PLPPR5: variants seen among roughly 807,000 people sequenced by gnomAD.
The protein encoded by PLPPR5 is phospholipid phosphatase related 5.
In PLPPR5, 16 loss-of-function variants were observed where a neutral mutation model predicts 33.9. The ratio of observed to expected loss-of-function variants is 0.47; its 90% CI spans 0.32 to 0.72. The LOEUF (loss-of-function observed/expected upper bound fraction) is 0.72, where lower values mean the gene tolerates loss of function less well. Ranked by LOEUF, PLPPR5 falls within the 30% of genes least tolerant of loss-of-function variation. The pLI is 0.03. For missense variants in PLPPR5, 301 were observed against 406.7 expected (o/e 0.74, Z 2.23); for synonymous variants, 163 against 150.3 (o/e 1.08, Z -0.62).
In PLPPR5 at chr1:98,922,065, C is replaced by T. The variant is rs1201213838; in HGVS notation, c.622-7G>A. ...TTGTGTTGGTGATGTACATCTGAAA[C>T]ATTCAATAAAAAAAATGACTTTTCA... On this transcript the variant is annotated splice_region_variant and splice_polypyrimidine_tract_variant and intron_variant, in intron 3 of 5. Transcript: ENST00000263177. The T allele has an allele frequency of 5.2e-6, 8 of 1,535,688 alleles. No homozygotes were observed. Among genetic ancestry groups the T allele is most frequent in the Non-Finnish European group, 7.0e-6 (8 of 1,143,336 alleles).
intron 1 of PLPPR5, among the ~76,000 whole-genome samples, chr1:98,965,154 TGTG>T (rs968792899): frequency 5.3e-5 from 8 of 152,002 alleles, no homozygotes; most frequent in Non-Finnish European, 8.8e-5. Context: ...TCTGAGCAAT[TGTG>T]GTGTTTCTTA....
intron 1 of PLPPR5, among the ~76,000 whole-genome samples, chr1:98,985,698 T>C (rs1012432392): frequency 6.6e-6 from 1 of 152,060 alleles, no homozygotes; most frequent in Non-Finnish European, 1.5e-5. Flanking sequence ...AATATGTTTA[T>C]ATACACAAAT....
chr1:98,909,231 T>G lies in PLPPR5; in HGVS notation c.933+5555A>C, dbSNP rs1291950184. On this transcript the variant is annotated intron_variant, in intron 5 of 5. Transcript: ENST00000263177. The stretch of plus-strand genomic sequence containing the variant: ...CTGTTTCCCCCTCCCCTCCCTTCCC[T>G]TCCCTTTCCCTCCCTTCCCCTCCCT... 7.4e-5 allele frequency among the ~76,000 whole-genome samples: 5 copies of G among 67,342 alleles called. No individual in the cohort carries two copies. In the South Asian group the frequency reaches 2.0e-3, roughly 27 times the overall value. The allele number at this position is 67,342 out of a possible 152,430, so 44.2% of individuals were successfully genotyped here.
At chr1:98,893,203 A>G in intron 5 of PLPPR5, 99 bp from the exon 6 acceptor site, 3 of 1,144,264 alleles carry the variant, frequency 2.6e-6, no homozygotes, top group Non-Finnish European at 3.7e-6. Flanking sequence ...TTATATGCTG[A>G]ATGTTGAAGT....
At chr1:98,957,599 C>T (rs1283242255) in intron 1 of PLPPR5, among the ~76,000 whole-genome samples, 1 of 151,958 alleles carries the variant, frequency 6.6e-6, no homozygotes, top group Non-Finnish European at 1.5e-5. Flanking sequence ...AATTTAAAAT[C>T]ATATTAATAC....
At chr1:98,944,523 C>A (rs1330492203) in intron 3 of PLPPR5, among the ~76,000 whole-genome samples, 2 of 152,220 alleles carry the variant, frequency 1.3e-5, no homozygotes, top group African/African-American at 2.4e-5. Context: ...CATGTATGAA[C>A]CAGAAAGCAG....
intron 5 of PLPPR5, among the ~76,000 whole-genome samples, chr1:98,897,337 C>T (rs541364294): frequency 5.3e-5 from 8 of 152,186 alleles, no homozygotes; most frequent in African/African-American, 1.2e-4. Context: ...TTTAAAGGAC[C>T]TTTCCTGTGA....
At chr1:98,924,689 G>A (rs1321709943) in intron 3 of PLPPR5, among the ~76,000 whole-genome samples, 1 of 152,134 alleles carries the variant, frequency 6.6e-6, no homozygotes, top group Non-Finnish European at 1.5e-5. Context: ...AGTAAAATGT[G>A]GGCTTGGGCT....
At chr1:98,995,491 T>C (rs930306284) in intron 1 of PLPPR5, among the ~76,000 whole-genome samples, 3 of 152,158 alleles carry the variant, frequency 2.0e-5, no homozygotes, top group East Asian at 1.9e-4. Flanking sequence ...TTTCAAGCTA[T>C]GTGGGTTAAC....
At chr1:98,941,556 T>C (rs200805722) in intron 3 of PLPPR5, among the ~76,000 whole-genome samples, 60 of 7,330 alleles carry the variant, frequency 8.2e-3, no homozygotes, top group Non-Finnish European at 0.013. Context: ...GGTTGTGGGA[T>C]TTTTTTTTTT....
chr1:98,922,968 G>C (rs1365696093), intron 3 of PLPPR5, among the ~76,000 whole-genome samples: 1 of 151,170 alleles, frequency 6.6e-6, no homozygotes, highest in East Asian at 2.0e-4. Context: ...CTGGGTGACA[G>C]AGCGAGACTC....
chr1:98,994,108 C>T (rs1341407843), intron 1 of PLPPR5, among the ~76,000 whole-genome samples: 1 of 151,912 alleles, frequency 6.6e-6, no homozygotes. Flanking sequence ...GTCACTTAAC[C>T]TCTTTAAGCC....
intron 2 of PLPPR5, among the ~76,000 whole-genome samples, chr1:98,955,546 C>T (rs962007864): frequency 1.3e-5 from 2 of 151,972 alleles, no homozygotes; most frequent in African/African-American, 4.8e-5. Flanking sequence ...TAAATGAGGG[C>T]TTTGGAGATA....
chr1:98,981,957 T>G (rs920622469), intron 1 of PLPPR5, among the ~76,000 whole-genome samples: 1 of 152,118 alleles, frequency 6.6e-6, no homozygotes, highest in Non-Finnish European at 1.5e-5. Flanking sequence ...CTTCCTTTAC[T>G]CATTAATGTC....
At chr1:98,910,784 A>G (rs1649115193) in intron 5 of PLPPR5, among the ~76,000 whole-genome samples, 1 of 152,072 alleles carries the variant, frequency 6.6e-6, no homozygotes, top group Non-Finnish European at 1.5e-5. Flanking sequence ...ACTTCACCTA[A>G]TAGGTACATC....
intron 1 of PLPPR5, among the ~76,000 whole-genome samples, chr1:98,962,742 TC>T (rs768055398): frequency 1.1e-4 from 17 of 152,228 alleles, no homozygotes; most frequent in Non-Finnish European, 2.5e-4. Flanking sequence ...ATTCCTGGAC[TC>T]AAGCCATCCT....
chr1:98,920,619 G>A (rs968216447), intron 4 of PLPPR5, among the ~76,000 whole-genome samples: 1 of 36,770 alleles, frequency 2.7e-5, no homozygotes, highest in African/African-American at 6.6e-5. Flanking sequence ...AGCAGCACAG[G>A]ATGAGGTCAT....
At chr1:98,993,332 A>G (rs1652521992) in intron 1 of PLPPR5, among the ~76,000 whole-genome samples, 1 of 152,104 alleles carries the variant, frequency 6.6e-6, no homozygotes, top group Non-Finnish European at 1.5e-5. Flanking sequence ...AGAGCCTGAT[A>G]GTGTGGCTTG....
At chr1:98,936,089 T>A (rs1296005661) in intron 3 of PLPPR5, among the ~76,000 whole-genome samples, 1 of 152,164 alleles carries the variant, frequency 6.6e-6, no homozygotes, top group East Asian at 1.9e-4. Flanking sequence ...TGTGGGCAAG[T>A]TAATGAATTT....
Sources: allele counts gnomAD v4.1 joint callset (sites outside exome capture counted in the v4.1 genomes callset), GRCh38; gene constraint gnomAD v4.1.1; transcripts MANE v1.5; gene names NCBI Gene and HGNC (gene_info 2026-07-23, HGNC 2026-07-21).